DDX60L: variants seen among roughly 807,000 people sequenced by gnomAD.
DDX60L encodes DExD/H-box 60 like.
DDX60L carries 191 observed loss-of-function variants against 211.6 expected under a neutral mutation model. The observed-to-expected ratio is 0.90, with a 90% CI of 0.80 to 1.02. The LOEUF is 1.02. Ranked by LOEUF, DDX60L falls within the 50% of genes least tolerant of loss-of-function variation. DDX60L has a pLI of 0.00. For synonymous variants in DDX60L, 706 were observed against 694.1 expected (o/e 1.02, Z -0.27); for missense variants, 2,007 against 1,984.1 (o/e 1.01, Z -0.22).
intron 29 of DDX60L, among the ~76,000 whole-genome samples, chr4:168,385,364 T>C (rs1163512434): frequency 1.3e-5 from 2 of 152,184 alleles, no homozygotes; most frequent in African/African-American, 2.4e-5. Context: ...TCAGAGGGCA[T>C]GGAAGCTCCG....
Position 168,472,475 on chromosome 4 carries a change from C to A in DDX60L, c.54G>T (p.Leu18Phe). 6.4e-7 allele frequency: 1 copy of A among 1,569,264 alleles called. No individual in the cohort carries two copies. The highest frequency in any genetic ancestry group is 1.2e-5 in the South Asian group (1 of 85,742). The change falls in exon 3 of 38, where the codon TTG becomes TTT. Residue 18 changes from leucine to phenylalanine, a missense_variant. Transcript: ENST00000682922. Reference protein sequence around the residue: ...VFFREMTQLILNEMPKAGYSS... With the variant: ...VFFREMTQLIFNEMPKAGYSS... ...CTTACCCAGCTTTTGGCATTTCATT[C>A]AAAATTAACTGTGTCATTTCCCTGA...
chr4:168,391,590 C>G lies in DDX60L; in HGVS notation c.3865G>C (p.Val1289Leu). The change falls in exon 29 of 38, where the codon GTT (valine) becomes CTT (leucine). Residue 1289 changes from valine to leucine, a missense_variant. Coordinates refer to ENST00000682922, the MANE Select transcript of DDX60L (RefSeq NM_001012967.3). Reference sequence around the variant, plus strand: ...TAGACTGAGTCTTGGGCAAAAACAACAGATTTGCATGGCATGTGGATCCCT... The same window carrying G: ...TAGACTGAGTCTTGGGCAAAAACAAGAGATTTGCATGGCATGTGGATCCCT... ...ALGIHMPCKS[V>L]VFAQDSVYLD... The G allele has an allele frequency of 6.2e-7, 1 of 1,603,948 alleles. No individual in the cohort carries two copies. The highest frequency in any genetic ancestry group is 1.4e-5 in the African/African-American group (1 of 74,022).
At chr4:168,449,630 ATT>A (rs1561098299) in intron 8 of DDX60L, among the ~76,000 whole-genome samples, 7 of 7,270 alleles carry the variant, frequency 9.6e-4, no homozygotes, top group East Asian at 0.036. Context: ...AAAAAAAAAC[ATT>A]AAAACAAAAA....
At chr4:168,394,366 A>T in intron 28 of DDX60L, 99 bp downstream of exon 28, 1 of 861,428 alleles carries the variant, frequency 1.2e-6, no homozygotes, top group Non-Finnish European at 1.7e-6. Flanking sequence ...GACACTGGTT[A>T]GATGAGAAAA....
chr4:168,458,148 G>T (rs1409697783), intron 5 of DDX60L, 140 bp from the exon 6 acceptor site: 1 of 509,948 alleles, frequency 2.0e-6, no homozygotes, highest in Non-Finnish European at 3.5e-6. Flanking sequence ...AAAAAGTCAA[G>T]AAACAACATA....
intron 19 of DDX60L, among the ~76,000 whole-genome samples, chr4:168,417,343 C>A (rs57890315): frequency 0.16 from 24,485 of 152,170 alleles, 2,332 homozygotes; most frequent in Non-Finnish European, 0.19. Context: ...CTGCTCCCAA[C>A]ATACTGGCCT....
chr4:168,423,088 T>C (rs889423422), intron 15 of DDX60L, among the ~76,000 whole-genome samples: 8 of 152,024 alleles, frequency 5.3e-5, no homozygotes, highest in African/African-American at 1.5e-4. Context: ...TCCAAAGTGC[T>C]GAGATTACAG....
chr4:168,421,580 G>A (rs1405763880), intron 17 of DDX60L, among the ~76,000 whole-genome samples, 180 bp downstream of exon 17: 2 of 152,116 alleles, frequency 1.3e-5, no homozygotes, highest in Non-Finnish European at 2.9e-5. Flanking sequence ...ACTTGAACAC[G>A]GGAGGTGGAG....
Position 168,373,939 on chromosome 4 carries a change from G to T in DDX60L, c.4634-131C>A, listed in dbSNP as rs559261174. 305 of 844,982 alleles carry T rather than the reference G, an allele frequency of 3.6e-4. 1 individual carries two copies. The highest frequency in any genetic ancestry group is 3.0e-3 in the African/African-American group (176 of 58,794). The allele number at this position is 844,982 out of a possible 1,614,324, so 52.3% of individuals were successfully genotyped here. ...CAGAATGAAAACTGATTGAGATATGGTGCATAAAGTCATTAACACAGCTTG... is the reference window on the plus strand; with the variant it reads ...CAGAATGAAAACTGATTGAGATATGTTGCATAAAGTCATTAACACAGCTTG... On this transcript the variant is annotated intron_variant, in intron 34 of 37. Coordinates refer to ENST00000682922, the MANE Select transcript of DDX60L (RefSeq NM_001012967.3).
chr4:168,400,286 T>A (rs1470543440), intron 26 of DDX60L, among the ~76,000 whole-genome samples: 1 of 152,214 alleles, frequency 6.6e-6, no homozygotes, highest in Non-Finnish European at 1.5e-5. Context: ...TCTAGGTTGA[T>A]TCCATGTCTT....
Position 168,396,097 on chromosome 4 carries a change from T to C in DDX60L, c.3519A>G (p.Glu1173=). The change falls in exon 27 of 38, where the codon GAA becomes GAG. Residue 1173 remains glutamate (E), a synonymous_variant. Coordinates refer to ENST00000682922, the MANE Select transcript of DDX60L (RefSeq NM_001012967.3). ...TATACACTTTTTTTCTTTCCAGTTTTTCAGCCTTCTTTGGGTTTTTTTTAG... is the reference window on the plus strand; with the variant it reads ...TATACACTTTTTTTCTTTCCAGTTTCTCAGCCTTCTTTGGGTTTTTTTTAG... ...RITKKNPKKA[E]KLERKKVYRA... 5 of 1,553,388 alleles carry C rather than the reference T, an allele frequency of 3.2e-6. No homozygotes were observed. Among genetic ancestry groups the C allele is most frequent in the Non-Finnish European group, 4.3e-6 (5 of 1,150,546 alleles).
intron 29 of DDX60L, chr4:168,390,567 T>A (rs1744620934): frequency 9.3e-7 from 1 of 1,077,830 alleles, no homozygotes; most frequent in Non-Finnish European, 1.3e-6. Flanking sequence ...ATTTCAAGAA[T>A]AAGCAAAATG....
intron 29 of DDX60L, chr4:168,390,021 G>A (rs1744518875): frequency 2.7e-6 from 1 of 364,288 alleles, no homozygotes; most frequent in Non-Finnish European, 3.8e-6. Context: ...TGATGAGGTG[G>A]TTGTTGAGGG....
intron 1 of DDX60L, among the ~76,000 whole-genome samples, chr4:168,475,420 G>A (rs2074952851): frequency 6.6e-6 from 1 of 152,086 alleles, no homozygotes; most frequent in Non-Finnish European, 1.5e-5. Flanking sequence ...ATTTGGATCT[G>A]ATCACAAAAC....
Position 168,415,643 on chromosome 4 carries a change from A to C in DDX60L, c.2869+14T>G, listed in dbSNP as rs760953213. 390 of 1,530,094 alleles carry C rather than the reference A, an allele frequency of 2.5e-4. No individual in the cohort carries two copies. The highest frequency in any genetic ancestry group is 7.3e-4 in the Middle Eastern group (4 of 5,452). 94.8% of individuals were successfully genotyped at this position (1,530,094 alleles called of 1,614,324 possible). ...ATAAAAATATATAGTAAAACATAAA[A>C]AAAATAAGCTTACCAAGTCTAACTT... On this transcript the variant is annotated intron_variant, in intron 21 of 37. Coordinates refer to ENST00000682922, the MANE Select transcript of DDX60L (RefSeq NM_001012967.3).
At chr4:168,403,426 G>GT (rs1184351056) in intron 25 of DDX60L, among the ~76,000 whole-genome samples, 34 of 152,246 alleles carry the variant, frequency 2.2e-4, no homozygotes, top group Admixed American at 9.8e-4. Flanking sequence ...GGCTAAATAA[G>GT]TTTTTTGGTT....
chr4:168,420,413 T>C, intron 17 of DDX60L, 33 bp from the exon 18 acceptor site: 2 of 1,585,350 alleles, frequency 1.3e-6, no homozygotes, highest in Middle Eastern at 3.3e-4. Flanking sequence ...ATTAGTCACT[T>C]AGTAGAGAAG....
At chr4:168,431,727 AAGTTTTACT>A (rs1752390085) in intron 12 of DDX60L, among the ~76,000 whole-genome samples, 1 of 152,144 alleles carries the variant, frequency 6.6e-6, no homozygotes, top group Admixed American at 6.5e-5. Context: ...ATAAAAAGAA[AAGTTTTACT>A]AGTTCTGAAA....
rs1281207470 is a variant in DDX60L, at chr4:168,396,053, A to C, written c.3563T>G (p.Phe1188Cys). The C allele has an allele frequency of 3.1e-6, 5 of 1,607,724 alleles. No individual in the cohort carries two copies. In the African/African-American group the frequency reaches 6.7e-5, roughly 22 times the overall value. ...TTCCAGAATCTTCAGATTCTCCAGG[A>C]AATTAATATATTCAGCTCTATACAC... ...KKVYRAEYIN[F>C]LENLKILEIS... The change falls in exon 27 of 38, where the codon TTC (phenylalanine) becomes TGC (cysteine). Residue 1188 changes from phenylalanine (F) to cysteine (C), a missense_variant. Phe to Cys is a radical substitution (Grantham distance 205). Transcript: ENST00000682922.
Sources: gnomAD v4.1 joint callset for allele counts (sites outside exome capture counted in the v4.1 genomes callset) on GRCh38, gnomAD v4.1.1 for gene constraint, MANE v1.5 for transcripts, NCBI Gene and HGNC (gene_info 2026-07-23, HGNC 2026-07-21) for gene names.